Variants in ASAP1 observed in about 807,000 individuals in gnomAD.
ASAP1 encodes arf-GAP with SH3 domain, ANK repeat and PH domain-containing protein 1.
Under a neutral mutation model 145.2 loss-of-function variants are expected in ASAP1, and 43 were observed. The observed-to-expected ratio is 0.30, with a 90% CI of 0.23 to 0.38. The LOEUF (loss-of-function observed/expected upper bound fraction) is 0.38, where lower values mean the gene tolerates loss of function less well. Among genes scored for constraint, ASAP1 ranks in the 10% least tolerant of loss-of-function variants. The pLI, the probability that ASAP1 is intolerant of heterozygous loss-of-function variation, is 1.00. For synonymous variants in ASAP1, 546 were observed against 515.5 expected, an observed-to-expected ratio of 1.06 and a Z score of -0.80; for missense variants, 1,018 against 1,355.3, an observed-to-expected ratio of 0.75 and a Z score of 3.91.
intron 28 of ASAP1, among the ~76,000 whole-genome samples, chr8:130,058,457 G>A (rs114408491): frequency 5.2e-4 from 79 of 152,296 alleles, no homozygotes; most frequent in African/African-American, 1.9e-3. Flanking sequence ...AATGTTTTTA[G>A]GAAACATGAT....
At chr8:130,327,654 C>T (rs895600032) in intron 3 of ASAP1, among the ~76,000 whole-genome samples, 4 of 152,134 alleles carry the variant, frequency 2.6e-5, no homozygotes, top group African/African-American at 7.2e-5. Context: ...GGTATATCCA[C>T]ATAACAGAAT....
At chr8:130,158,857 A>T (rs907053870) in intron 12 of ASAP1, among the ~76,000 whole-genome samples, 2 of 151,364 alleles carry the variant, frequency 1.3e-5, no homozygotes, top group African/African-American at 2.4e-5. Context: ...TCAGCCTCCC[A>T]AGTAGCTGGG....
chr8:130,234,083 C>T (rs989437446), intron 4 of ASAP1, among the ~76,000 whole-genome samples: 1 of 151,996 alleles, frequency 6.6e-6, no homozygotes, highest in Non-Finnish European at 1.5e-5. Context: ...TCCTAATCAA[C>T]AAAGGTAAGA....
At chr8:130,056,592 T>G (rs989329320) in intron 29 of ASAP1, among the ~76,000 whole-genome samples, 2 of 152,182 alleles carry the variant, frequency 1.3e-5, no homozygotes, top group Non-Finnish European at 2.9e-5. Flanking sequence ...ACAAAATCCC[T>G]ACAGCTGTGA....
At chr8:130,189,077 G>T (rs188432021) in intron 5 of ASAP1, among the ~76,000 whole-genome samples, 66 of 152,202 alleles carry the variant, frequency 4.3e-4, no homozygotes, top group Non-Finnish European at 6.5e-4. Context: ...AAGTACATGT[G>T]AAATTTGATA....
chr8:130,209,053 T>C (rs936633992), intron 5 of ASAP1, among the ~76,000 whole-genome samples: 2 of 152,196 alleles, frequency 1.3e-5, no homozygotes, highest in Non-Finnish European at 2.9e-5. Context: ...GTTCTTTTTA[T>C]AATACAAAGT....
chr8:130,353,825 C>T (rs534932246), intron 3 of ASAP1, among the ~76,000 whole-genome samples: 5 of 152,086 alleles, frequency 3.3e-5, no homozygotes, highest in Non-Finnish European at 7.4e-5. Flanking sequence ...GAGCTGAGAT[C>T]GCACCACTGC....
At position 130,124,233 on chromosome 8, in the gene ASAP1, G is replaced by A. The variant is rs111586129; in HGVS notation, c.1516-129C>T. The A allele has an allele frequency of 8.0e-5, 54 of 673,100 alleles. 1 individual carries two copies. Among genetic ancestry groups the A allele is most frequent in the Middle Eastern group, 4.0e-4 (1 of 2,498 alleles). The allele number at this position is 673,100 out of a possible 1,614,324, so 41.7% of individuals were successfully genotyped here. A position where few individuals can be genotyped will look rare whatever the true frequency, so the allele number is the denominator to read the frequency against. ...CATTTGACTTAGAATACAAACCACC[G>A]TCCATCTGGTCTACAAATATTTACT... On this transcript the variant is annotated intron_variant, in intron 17 of 29. Transcript: ENST00000518721.
chr8:130,247,059 T>TA (rs1818894137), intron 3 of ASAP1: 1 of 152,224 alleles, frequency 6.6e-6, no homozygotes. Flanking sequence ...TTTGAGGTCA[T>TA]AGAGACCTGT....
chr8:130,232,506 C>T (rs1197438191), intron 4 of ASAP1, among the ~76,000 whole-genome samples: 1 of 151,970 alleles, frequency 6.6e-6, no homozygotes, highest in African/African-American at 2.4e-5. Flanking sequence ...CTAAGTAGTT[C>T]ACAGAATTGA....
intron 25 of ASAP1, among the ~76,000 whole-genome samples, chr8:130,085,896 G>A (rs2097491907): frequency 6.6e-6 from 1 of 152,198 alleles, no homozygotes; most frequent in Non-Finnish European, 1.5e-5. Flanking sequence ...CATCACAGAA[G>A]CAGGACTTCA....
intron 18 of ASAP1, among the ~76,000 whole-genome samples, chr8:130,122,978 C>A (rs2097568967): frequency 6.6e-6 from 1 of 152,208 alleles, no homozygotes; most frequent in Admixed American, 6.5e-5. Context: ...TGTTATCAAG[C>A]TGGTAAAGTA....
At chr8:130,113,940 G>A (rs945262880) in intron 23 of ASAP1, among the ~76,000 whole-genome samples, 1 of 151,736 alleles carries the variant, frequency 6.6e-6, no homozygotes, top group Non-Finnish European at 1.5e-5. Flanking sequence ...CACCACCACG[G>A]CCAGCTAATT....
intron 5 of ASAP1, chr8:130,208,848 C>T (rs1258469026): frequency 6.6e-6 from 1 of 152,156 alleles, no homozygotes. Context: ...AGTGTGTCTG[C>T]TCTAGTTCCA....
intron 1 of ASAP1, among the ~76,000 whole-genome samples, chr8:130,403,558 T>TC (rs1565287331): frequency 6.7e-6 from 1 of 148,820 alleles, no homozygotes; most frequent in African/African-American, 2.5e-5. Flanking sequence ...CTTTTTCTTT[T>TC]TTTTTTTTTT....
rs1438893101 is a variant in ASAP1, at chr8:130,079,943, A to G, written c.2601T>C (p.Ser867=). The change falls in exon 26 of 30, where the codon AGT becomes AGC. Residue 867 remains serine (S), a synonymous_variant. Transcript: ENST00000518721. ...GTCCCTCAAACTTGTTTGTAGTCTT[A>G]CTTGAAGAGGATGGACCCCCATCGT... The part of the protein sequence containing the change: ...WGNDGGPSSS[S]KTTNKFEGLS... 9 of 1,614,176 alleles carry G rather than the reference A, an allele frequency of 5.6e-6. No homozygotes were observed. In the Admixed American group the frequency reaches 1.5e-4, roughly 27 times the overall value.
chr8:130,081,834 T>C (rs573214729), intron 25 of ASAP1, among the ~76,000 whole-genome samples: 23 of 152,312 alleles, frequency 1.5e-4, no homozygotes, highest in African/African-American at 5.5e-4. Context: ...AGTAACATTA[T>C]TAACAGCAAC....
rs1040667970 is a variant in ASAP1, at chr8:130,361,878, C to T, written c.60-3735G>A. The T allele has an allele frequency of 8.2e-5, 62 of 758,898 alleles. No individual in the cohort carries two copies. The Middle Eastern group carries it at 8.9e-4, about 11-fold the overall frequency. The allele number at this position is 758,898 out of a possible 1,614,324, so 47.0% of individuals were successfully genotyped here. ...CCTCCCCAAAGCCAGGAAAAATGTG[C>T]GCACACACATATTTGTGTGCACCTG... On this transcript the variant is annotated intron_variant, in intron 2 of 29. Transcript: ENST00000518721.
intron 5 of ASAP1, chr8:130,195,468 C>T (rs560947593): frequency 6.6e-6 from 1 of 151,384 alleles, no homozygotes; most frequent in South Asian, 2.1e-4. Flanking sequence ...GCAAGGACTG[C>T]AAGATTACAG....
Sources: gnomAD v4.1 joint callset for allele counts (sites outside exome capture counted in the v4.1 genomes callset) on GRCh38, gnomAD v4.1.1 for gene constraint, MANE v1.5 for transcripts, NCBI Gene and HGNC (gene_info 2026-07-23, HGNC 2026-07-21) for gene names.